TCERG1L: variants seen among roughly 807,000 people sequenced by gnomAD.
The protein encoded by TCERG1L is transcription elongation regulator 1 like, also known as transcription elongation regulator 1-like protein.
Under a neutral mutation model 56.3 loss-of-function variants are expected in TCERG1L, and 37 were observed. The observed-to-expected ratio is 0.66, with a 90% CI of 0.51 to 0.87. TCERG1L has a LOEUF of 0.87. Among genes scored for constraint, TCERG1L ranks in the 40% least tolerant of loss-of-function variants. The probability of loss-of-function intolerance (pLI) is 0.00; values close to 1 mark genes in which losing one functional copy is unlikely to be tolerated. For missense variants in TCERG1L, 799 were observed against 774.2 expected (o/e 1.03, Z -0.38); for synonymous variants, 324 against 326.3 (o/e 0.99, Z 0.08).
Position 131,226,032 on chromosome 10 carries a change from G to A in TCERG1L, c.856+34227C>T, listed in dbSNP as rs117932860. Reference sequence around the variant, plus strand: ...GGCTCACTGTAACCTTGAATGCCTGGGCTCAAGTGATCCTCCAGCCTCAGC... The same window carrying A: ...GGCTCACTGTAACCTTGAATGCCTGAGCTCAAGTGATCCTCCAGCCTCAGC... On this transcript the variant is annotated intron_variant, in intron 4 of 11. Transcript: ENST00000368642. Among the ~76,000 whole-genome samples, 1,427 of 152,216 alleles carry A rather than the reference G, an allele frequency of 9.4e-3. 31 individuals are homozygous for A. The highest frequency in any genetic ancestry group is 0.077 in the East Asian group (396 of 5,166).
intron 9 of TCERG1L, among the ~76,000 whole-genome samples, chr10:131,115,910 C>A (rs1001247834): frequency 6.6e-6 from 1 of 152,158 alleles, no homozygotes; most frequent in African/African-American, 2.4e-5. Context: ...TCCACCCCTG[C>A]CCCCTCTCCA....
At chr10:131,243,928 A>G (rs1459404444) in intron 4 of TCERG1L, among the ~76,000 whole-genome samples, 1 of 152,232 alleles carries the variant, frequency 6.6e-6, no homozygotes, top group African/African-American at 2.4e-5. Context: ...CGTGAGCTAC[A>G]TAAACAGCCA....
Position 131,116,783 on chromosome 10 carries a change from A to G in TCERG1L, c.1395+16T>C. 1.3e-6 allele frequency: 2 copies of G among 1,550,802 alleles called. No individual in the cohort carries two copies. The highest frequency in any genetic ancestry group is 1.7e-6 in the Non-Finnish European group (2 of 1,149,266). ...GTCTGCCGTAGGAGTGCAGCCCCTC[A>G]GCCGCTGTGCCTTACCCCTCTCTCC... On this transcript the variant is annotated intron_variant, in intron 9 of 11. Coordinates refer to ENST00000368642, the MANE Select transcript of TCERG1L (RefSeq NM_174937.4).
In TCERG1L at chr10:131,206,980, C is replaced by T. The variant is rs540763420; in HGVS notation, c.857-40095G>A. Among the ~76,000 whole-genome samples, 10 of 152,244 alleles carry T rather than the reference C, an allele frequency of 6.6e-5. No individual in the cohort carries two copies. The South Asian group carries it at 8.3e-4, about 13-fold the overall frequency. ...TGTTTGTTCCTAATTCTCAAATAGG[C>T]CTTTCTTGGCGTCCCCGTGGCTGGT... On this transcript the variant is annotated intron_variant, in intron 4 of 11. Transcript: ENST00000368642.
chr10:131,198,838 C>T (rs534601017), intron 4 of TCERG1L, among the ~76,000 whole-genome samples: 34 of 152,328 alleles, frequency 2.2e-4, no homozygotes, highest in African/African-American at 8.2e-4. Context: ...GTGGAAGAAG[C>T]TTGTGCCTGC....
At chr10:131,117,987 G>T (rs865928779) in intron 8 of TCERG1L, among the ~76,000 whole-genome samples, 5 of 151,966 alleles carry the variant, frequency 3.3e-5, no homozygotes, top group Non-Finnish European at 7.4e-5. Flanking sequence ...GCTGCCACCC[G>T]CCCCTCAGGA....
chr10:131,311,497 C>A lies in TCERG1L; in HGVS notation c.139G>T (p.Ala47Ser). The A allele has an allele frequency of 8.3e-7, 1 of 1,201,664 alleles. No individual in the cohort carries two copies. The highest frequency in any genetic ancestry group is 3.8e-5 in the East Asian group (1 of 26,188). 74.4% of individuals were successfully genotyped at this position (1,201,664 alleles called of 1,614,324 possible). ...PPWVWMVPGS[A>S]GLLRLSAGVV... is the part of the protein sequence containing the mutation. ...CCCGCGCTGAGCCGGAGCAGCCCGG[C>A]CGAGCCCGGCACCATCCAGACCCAG... The change falls in exon 1 of 12, where the codon GCC becomes TCC. Residue 47 changes from alanine (A) to serine (S), a missense_variant. Coordinates refer to ENST00000368642, the MANE Select transcript of TCERG1L (RefSeq NM_174937.4). This position sits in a 1 kb window ranked among gnomAD's most constrained non-coding sequence, Gnocchi z 4.0.
chr10:131,198,114 T>G (rs1845387620), intron 4 of TCERG1L, among the ~76,000 whole-genome samples: 1 of 152,240 alleles, frequency 6.6e-6, no homozygotes, highest in African/African-American at 2.4e-5. Context: ...TGCCCATGGG[T>G]GCAGCGCTGC....
At chr10:131,187,191 A>T (rs1289499979) in intron 4 of TCERG1L, among the ~76,000 whole-genome samples, 1 of 152,278 alleles carries the variant, frequency 6.6e-6, no homozygotes, top group Non-Finnish European at 1.5e-5. Context: ...CAGTGACCTC[A>T]GTGCCAGCAG....
intron 6 of TCERG1L, among the ~76,000 whole-genome samples, chr10:131,155,121 C>T (rs562196075): frequency 5.3e-5 from 8 of 152,100 alleles, no homozygotes; most frequent in Admixed American, 3.3e-4. Flanking sequence ...GGAAGTGAGA[C>T]GGTGGACAAG....
intron 4 of TCERG1L, among the ~76,000 whole-genome samples, chr10:131,203,314 C>CAAAAA (rs58016777): frequency 2.5e-5 from 3 of 117,680 alleles, no homozygotes; most frequent in African/African-American, 9.5e-5. Flanking sequence ...GACTCCGTCT[C>CAAAAA]AAAAAAAAAA....
chr10:131,144,916 G>A (rs1366542405), intron 7 of TCERG1L, among the ~76,000 whole-genome samples: 1 of 152,182 alleles, frequency 6.6e-6, no homozygotes, highest in African/African-American at 2.4e-5. Flanking sequence ...GAGACCGCAG[G>A]TGGCCCAGTG....
At chr10:131,292,494 T>C (rs1331448437) in intron 3 of TCERG1L, among the ~76,000 whole-genome samples, 1 of 152,266 alleles carries the variant, frequency 6.6e-6, no homozygotes, top group East Asian at 1.9e-4. Context: ...CTGAGATTTG[T>C]CTGTATAATT....
intron 6 of TCERG1L, among the ~76,000 whole-genome samples, chr10:131,154,030 A>G (rs1845893993): frequency 6.6e-6 from 1 of 152,168 alleles, no homozygotes; most frequent in African/African-American, 2.4e-5. Context: ...GGCCAGCTGT[A>G]ACACGCAGAA....
rs909335258 is a variant in TCERG1L, at chr10:131,125,714, G to A, written c.1259+8665C>T. ...GTTCCGCCAGCTCTGCTCTGCTCACGTGGATGGTCAGGATTCACAGCCAAT... is the reference window on the plus strand; with the variant it reads ...GTTCCGCCAGCTCTGCTCTGCTCACATGGATGGTCAGGATTCACAGCCAAT... On this transcript the variant is annotated intron_variant, in intron 8 of 11. Coordinates refer to ENST00000368642, the MANE Select transcript of TCERG1L (RefSeq NM_174937.4). Among the ~76,000 whole-genome samples the A allele has an allele frequency of 8.5e-5, 13 of 152,344 alleles. 1 individual carries two copies. Among genetic ancestry groups the A allele is most frequent in the South Asian group, 4.1e-4 (2 of 4,824 alleles).
intron 8 of TCERG1L, among the ~76,000 whole-genome samples, chr10:131,120,219 T>C (rs1353466177): frequency 6.6e-6 from 1 of 152,226 alleles, no homozygotes; most frequent in Non-Finnish European, 1.5e-5. Context: ...CTGGTAAGTC[T>C]GTAAAGCTGA....
chr10:131,289,231 G>A (rs1000597242), intron 3 of TCERG1L, among the ~76,000 whole-genome samples: 6 of 151,370 alleles, frequency 4.0e-5, no homozygotes, highest in Admixed American at 1.3e-4. Flanking sequence ...TTCATTTCGT[G>A]AGCGTCACGT....
intron 4 of TCERG1L, among the ~76,000 whole-genome samples, chr10:131,183,875 G>A (rs547174533): frequency 6.6e-6 from 1 of 152,366 alleles, no homozygotes; most frequent in Admixed American, 6.5e-5. Context: ...GGAGGTGGGT[G>A]TGGCATGCTG....
At chr10:131,139,676 ATG>A (rs1188888104) in intron 7 of TCERG1L, among the ~76,000 whole-genome samples, 1 of 133,860 alleles carries the variant, frequency 7.5e-6, no homozygotes, top group East Asian at 2.4e-4. Context: ...GGCTATGCAT[ATG>A]TGTGTGTGTG....
Sources: allele counts gnomAD v4.1 joint callset (sites outside exome capture counted in the v4.1 genomes callset), GRCh38; gene constraint gnomAD v4.1.1; non-coding constraint Gnocchi (gnomAD v3.1); transcripts MANE v1.5; gene names NCBI Gene and HGNC (gene_info 2026-07-23, HGNC 2026-07-21).